KYNU: variants seen among roughly 807,000 people sequenced by gnomAD.
KYNU encodes L-kynurenine hydrolase.
Under a neutral mutation model 59.2 loss-of-function variants are expected in KYNU, and 54 were observed. The ratio of observed to expected loss-of-function variants is 0.91; its 90% confidence interval spans 0.73 to 1.14. KYNU has a LOEUF of 1.14. KYNU is among the 50% of genes most tolerant of loss of function. The probability of loss-of-function intolerance (pLI) is 0.00; values close to 1 mark genes in which losing one functional copy is unlikely to be tolerated. For synonymous variants in KYNU, 177 were observed against 192.0 expected (o/e 0.92, Z 0.65); for missense variants, 567 against 554.4 (o/e 1.02, Z -0.23).
rs72349700 is a variant in KYNU, at chr2:143,013,298, C to CTCTCTGTG, written c.903-16328_903-16327insCTCTGTGT. 4.4e-3 allele frequency among the ~76,000 whole-genome samples: 660 copies of CTCTCTGTG among 149,568 alleles called. 5 individuals carry two copies. The highest frequency in any genetic ancestry group is 0.015 in the African/African-American group (628 of 40,572). On this transcript the variant is annotated intron_variant, in intron 10 of 13. Coordinates refer to ENST00000264170, the MANE Select transcript of KYNU (RefSeq NM_003937.3). ...TCTCTCTGTTTCTCTGTCTCTTTCTCTGTGTGTGTGTGTGTGTGTGTCCAT... is the reference window on the plus strand; with the variant it reads ...TCTCTCTGTTTCTCTGTCTCTTTCTCTCTCTGTGTGTGTGTGTGTGTGTGTGTGTCCAT...
At chr2:142,995,369 T>C (rs1166502676) in intron 10 of KYNU, among the ~76,000 whole-genome samples, 2 of 152,044 alleles carry the variant, frequency 1.3e-5, no homozygotes, top group African/African-American at 4.8e-5. Flanking sequence ...GAAGAGGTAA[T>C]TGAATATGTA....
At chr2:142,879,996 C>T (rs1437597902) in intron 1 of KYNU, among the ~76,000 whole-genome samples, 1 of 152,132 alleles carries the variant, frequency 6.6e-6, no homozygotes, top group African/African-American at 2.4e-5. Flanking sequence ...TTCTGAATTT[C>T]ATTAGAAATG....
chr2:142,928,843 A>G (rs1381261666), intron 4 of KYNU, among the ~76,000 whole-genome samples: 1 of 151,632 alleles, frequency 6.6e-6, no homozygotes, highest in Non-Finnish European at 1.5e-5. Context: ...TCCCATCTCT[A>G]CAAAAAAATT....
intron 10 of KYNU, among the ~76,000 whole-genome samples, chr2:143,017,434 C>CTTTTTTTTTT (rs1184177776): frequency 0.011 from 724 of 68,336 alleles, 4 homozygotes; most frequent in Non-Finnish European, 0.012. Flanking sequence ...TCTCTTTTTT[C>CTTTTTTTTTT]TTTTTTTTTT....
At chr2:143,007,554 G>A (rs1573894243) in intron 10 of KYNU, among the ~76,000 whole-genome samples, 1 of 118,036 alleles carries the variant, frequency 8.5e-6, no homozygotes, top group Admixed American at 8.4e-5. Context: ...GAAATACAGA[G>A]AACGCCACAA....
intron 4 of KYNU, among the ~76,000 whole-genome samples, chr2:142,929,307 A>G (rs908953466): frequency 6.6e-6 from 1 of 150,954 alleles, no homozygotes; most frequent in African/African-American, 2.4e-5. Context: ...AGGAGATGAT[A>G]ATAATATCTG....
intron 10 of KYNU, among the ~76,000 whole-genome samples, 184 bp from the exon 11 acceptor site, chr2:143,029,443 G>A (rs555518021): frequency 9.9e-5 from 15 of 152,050 alleles, no homozygotes; most frequent in Admixed American, 3.9e-4. Context: ...AAAACTAGCC[G>A]GGCATGGTGG....
chr2:142,878,776 G>A (rs1382375025), intron 1 of KYNU, among the ~76,000 whole-genome samples: 7 of 152,162 alleles, frequency 4.6e-5, no homozygotes, highest in African/African-American at 1.7e-4. Flanking sequence ...AACCTAAATC[G>A]AAGGCACATT....
chr2:142,878,526 G>T (rs1237906092), intron 1 of KYNU, among the ~76,000 whole-genome samples: 1 of 152,008 alleles, frequency 6.6e-6, no homozygotes, highest in Non-Finnish European at 1.5e-5. Context: ...TTTAAGTCAG[G>T]TTCTAAACTT....
At chr2:143,035,857 C>G (rs887813998) in intron 12 of KYNU, among the ~76,000 whole-genome samples, 4 of 152,194 alleles carry the variant, frequency 2.6e-5, no homozygotes, top group African/African-American at 7.2e-5. Context: ...ACTGCAACCT[C>G]TGCCTCCTGG....
At chr2:142,972,791 CATAT>C (rs72267912) in intron 8 of KYNU, among the ~76,000 whole-genome samples, 189 of 135,314 alleles carry the variant, frequency 1.4e-3, no homozygotes, top group African/African-American at 3.7e-3. Flanking sequence ...AGACAGAGGC[CATAT>C]ATATATATAT....
intron 11 of KYNU, among the ~76,000 whole-genome samples, chr2:143,032,713 G>GTGTGTGTGTGTGTA (rs1269325539): frequency 6.7e-6 from 1 of 148,710 alleles, no homozygotes; most frequent in Non-Finnish European, 1.5e-5. Context: ...TCCCTCTATT[G>GTGTGTGTGTGTGTA]TGTGTGTGTG....
In KYNU at chr2:142,928,369, G is replaced by A. The variant is rs1207780707; in HGVS notation, c.373+628G>A. On this transcript the variant is annotated intron_variant, in intron 4 of 13. Coordinates refer to ENST00000264170, the MANE Select transcript of KYNU (RefSeq NM_003937.3). ...AGCATTGTTTAAAATTTAAGGTACTGAACAAAAAAATTAATGATATTTTGG... is the reference window on the plus strand; with the variant it reads ...AGCATTGTTTAAAATTTAAGGTACTAAACAAAAAAATTAATGATATTTTGG... Among the ~76,000 whole-genome samples, 5 of 152,102 alleles carry A rather than the reference G, an allele frequency of 3.3e-5. No individual in the cohort carries two copies. The East Asian group carries it at 5.8e-4, about 18-fold the overall frequency.
chr2:143,040,587 T>C lies in KYNU; in HGVS notation c.1201T>C (p.Cys401Arg). 1 of 1,612,082 alleles carries C rather than the reference T, an allele frequency of 6.2e-7. No individual in the cohort carries two copies. The change falls in exon 13 of 14, where the codon TGC becomes CGC. Residue 401 changes from cysteine (C) to arginine (R), a missense_variant. Physicochemically the swap from Cys to Arg is radical, Grantham distance 180 (BLOSUM62 -3). Coordinates refer to ENST00000264170, the MANE Select transcript of KYNU (RefSeq NM_003937.3). ...TCCGTCTCATGTAGAGGAGCGGGGG[T>C]GCCAGCTAACAATAACATTTTCTGT... ...ITPSHVEERGCQLTITFSVPN... is the reference protein window; with the variant it reads ...ITPSHVEERGRQLTITFSVPN...
At chr2:142,960,859 G>A in intron 8 of KYNU, 89 bp downstream of exon 8, 1 of 1,329,416 alleles carries the variant, frequency 7.5e-7, no homozygotes, top group Non-Finnish European at 1.1e-6. Flanking sequence ...AAGTACTTTA[G>A]CTTGTGTCTG....
At chr2:142,924,766 C>G (rs1163331293) in intron 3 of KYNU, among the ~76,000 whole-genome samples, 2 of 152,218 alleles carry the variant, frequency 1.3e-5, no homozygotes, top group Admixed American at 1.3e-4. Flanking sequence ...TATGCTGCGA[C>G]TATTTTAAGT....
intron 10 of KYNU, among the ~76,000 whole-genome samples, chr2:142,995,948 C>T (rs1223455815): frequency 6.6e-6 from 1 of 151,948 alleles, no homozygotes; most frequent in Admixed American, 6.6e-5. Flanking sequence ...TCTATATGTG[C>T]CTGAACTACT....
chr2:142,968,582 C>T (rs967228240), intron 8 of KYNU, among the ~76,000 whole-genome samples: 3 of 151,944 alleles, frequency 2.0e-5, no homozygotes, highest in Non-Finnish European at 4.4e-5. Context: ...TACAGGTGGA[C>T]GAAAAGAGGC....
At chr2:143,001,423 T>C (rs1422189012) in intron 10 of KYNU, among the ~76,000 whole-genome samples, 3 of 151,262 alleles carry the variant, frequency 2.0e-5, no homozygotes, top group Non-Finnish European at 4.4e-5. Flanking sequence ...AAAACTCTAA[T>C]AAGCCTCCAA....
Sources: allele counts gnomAD v4.1 joint callset (sites outside exome capture counted in the v4.1 genomes callset), GRCh38; gene constraint gnomAD v4.1.1; transcripts MANE v1.5; gene names NCBI Gene and HGNC (gene_info 2026-07-23, HGNC 2026-07-21).